SPIDR: variants seen among roughly 807,000 people sequenced by gnomAD.
SPIDR encodes scaffold protein involved in DNA repair, also known as DNA repair-scaffolding protein.
Under a neutral mutation model 104.6 loss-of-function variants are expected in SPIDR, and 93 were observed. The observed-to-expected ratio is 0.89, with a 90% CI of 0.75 to 1.06. The LOEUF (loss-of-function observed/expected upper bound fraction) is 1.06. Among genes scored for constraint, SPIDR ranks in the 50% least tolerant of loss-of-function variants. The probability of loss-of-function intolerance (pLI) is 0.00; values close to 1 mark genes in which losing one functional copy is unlikely to be tolerated. For missense variants in SPIDR, 1,154 were observed against 1,111.2 expected, an observed-to-expected ratio of 1.04 and a Z score of -0.55; for synonymous variants, 431 against 416.9, an observed-to-expected ratio of 1.03 and a Z score of -0.41.
At chr8:47,670,827 G>A (rs1384564816) in intron 10 of SPIDR, among the ~76,000 whole-genome samples, 1 of 152,104 alleles carries the variant, frequency 6.6e-6, no homozygotes, top group Non-Finnish European at 1.5e-5. Context: ...TGGGTTGTTT[G>A]TATTTTTGCT....
intron 11 of SPIDR, among the ~76,000 whole-genome samples, chr8:47,692,487 CTTT>C (rs1171012398): frequency 8.4e-6 from 1 of 119,286 alleles, no homozygotes; most frequent in Non-Finnish European, 1.7e-5. Context: ...TCAGAATTTC[CTTT>C]TTTTTTTTTT....
chr8:47,272,045 G>A (rs1292822158), intron 1 of SPIDR, among the ~76,000 whole-genome samples: 2 of 151,992 alleles, frequency 1.3e-5, no homozygotes, highest in Non-Finnish European at 2.9e-5. Flanking sequence ...CACGATCTCG[G>A]TTCACTGCAA....
chr8:47,330,743 C>T (rs547999070), intron 5 of SPIDR: 1 of 455,960 alleles, frequency 2.2e-6, no homozygotes, highest in Non-Finnish European at 4.4e-6. Context: ...AACACTTTAT[C>T]CATTCATCTA....
At chr8:47,368,721 A>G (rs1019391914) in intron 5 of SPIDR, among the ~76,000 whole-genome samples, 1 of 152,326 alleles carries the variant, frequency 6.6e-6, no homozygotes, top group East Asian at 1.9e-4. Context: ...TATACAGCCT[A>G]TTGAGTGTAA....
rs892598418 is a variant in SPIDR, at chr8:47,589,896, G to A, written c.1098-5915G>A. Among the ~76,000 whole-genome samples the A allele has an allele frequency of 3.9e-4, 59 of 151,678 alleles. 1 individual carries two copies. The highest frequency in any genetic ancestry group is 3.0e-3 in the Admixed American group (46 of 15,242). On this transcript the variant is annotated intron_variant, in intron 8 of 19. Transcript: ENST00000297423. Reference sequence around the variant, plus strand: ...TCTTTAATTATTTCCAGCTGGGTACGGTGACTCACCCCTGTAATCCCAGCA... The same window carrying A: ...TCTTTAATTATTTCCAGCTGGGTACAGTGACTCACCCCTGTAATCCCAGCA...
intron 5 of SPIDR, among the ~76,000 whole-genome samples, chr8:47,301,182 T>G (rs2154247557): frequency 6.6e-6 from 1 of 152,330 alleles, no homozygotes; most frequent in African/African-American, 2.4e-5. Context: ...TGTTGAATGA[T>G]CCCTTTACCA....
intron 7 of SPIDR, among the ~76,000 whole-genome samples, chr8:47,433,646 C>G (rs908349601): frequency 6.6e-6 from 1 of 152,208 alleles, no homozygotes; most frequent in African/African-American, 2.4e-5. Flanking sequence ...TTATTACAGT[C>G]AAATCATTTG....
At chr8:47,363,019 G>A (rs529753307) in intron 5 of SPIDR, among the ~76,000 whole-genome samples, 25 of 151,906 alleles carry the variant, frequency 1.6e-4, no homozygotes, top group African/African-American at 5.6e-4. Flanking sequence ...ATCCTATTCC[G>A]CCTGCAGATG....
At chr8:47,453,460 C>T (rs2072289497) in intron 8 of SPIDR, among the ~76,000 whole-genome samples, 1 of 152,184 alleles carries the variant, frequency 6.6e-6, no homozygotes, top group African/African-American at 2.4e-5. Flanking sequence ...TGCCTGACTT[C>T]AAACTATACT....
intron 8 of SPIDR, among the ~76,000 whole-genome samples, chr8:47,505,277 G>T (rs2081289772): frequency 6.6e-6 from 1 of 152,040 alleles, no homozygotes; most frequent in African/African-American, 2.4e-5. Flanking sequence ...GCTGCGGTGG[G>T]CTCCACCCAG....
intron 8 of SPIDR, among the ~76,000 whole-genome samples, chr8:47,498,181 C>G (rs537918395): frequency 6.6e-6 from 1 of 152,180 alleles, no homozygotes; most frequent in Admixed American, 6.6e-5. Context: ...GCCTCTCTCT[C>G]TCTGTCTCTC....
intron 5 of SPIDR, 89 bp from the exon 6 acceptor site, chr8:47,396,287 G>C (rs1211847865): frequency 9.0e-7 from 1 of 1,114,548 alleles, no homozygotes; most frequent in East Asian, 2.5e-5. Context: ...TAACTGTAAG[G>C]GAATGGAATG....
chr8:47,393,378 C>G (rs1173644695), intron 5 of SPIDR, among the ~76,000 whole-genome samples: 8 of 152,156 alleles, frequency 5.3e-5, no homozygotes, highest in Non-Finnish European at 1.0e-4. Context: ...TGCCCTCCCC[C>G]ACACCAGCGT....
chr8:47,379,955 C>A (rs1416983767), intron 5 of SPIDR, among the ~76,000 whole-genome samples: 1 of 152,176 alleles, frequency 6.6e-6, no homozygotes, highest in African/African-American at 2.4e-5. Flanking sequence ...AAATTTGCTA[C>A]CTTCTCAGGA....
chr8:47,727,132 TGGA>T, intron 16 of SPIDR, 65 bp from the exon 17 acceptor site: 1 of 1,383,826 alleles, frequency 7.2e-7, no homozygotes, highest in Non-Finnish European at 1.0e-6. Context: ...CCTCTGCACG[TGGA>T]GGAGCAGAGG....
chr8:47,313,718 T>C (rs1554587360), intron 5 of SPIDR, among the ~76,000 whole-genome samples: 5 of 152,180 alleles, frequency 3.3e-5, no homozygotes, highest in African/African-American at 2.4e-5. Flanking sequence ...AACAGAGATA[T>C]AGATCAGTGG....
chr8:47,374,919 G>A (rs1028594332), intron 5 of SPIDR, among the ~76,000 whole-genome samples: 1 of 152,120 alleles, frequency 6.6e-6, no homozygotes, highest in African/African-American at 2.4e-5. Context: ...AGCCAAGTGT[G>A]GTGGCGGAGA....
chr8:47,355,513 G>A (rs2054371115), intron 5 of SPIDR, among the ~76,000 whole-genome samples: 1 of 151,910 alleles, frequency 6.6e-6, no homozygotes. Context: ...TTTATGTCTG[G>A]GAACCTATTT....
chr8:47,307,333 G>A (rs782658450), intron 5 of SPIDR, among the ~76,000 whole-genome samples: 7 of 150,604 alleles, frequency 4.6e-5, no homozygotes, highest in Admixed American at 6.6e-5. Flanking sequence ...CAGTTATCCT[G>A]CCTCAGCCTC....
Sources: allele counts gnomAD v4.1 joint callset (sites outside exome capture counted in the v4.1 genomes callset), GRCh38; gene constraint gnomAD v4.1.1; transcripts MANE v1.5; gene names NCBI Gene and HGNC (gene_info 2026-07-23, HGNC 2026-07-21).